EML4: variants seen among roughly 807,000 people sequenced by gnomAD.
EML4 encodes the protein EMAP like 4.
Under a neutral mutation model 129.0 loss-of-function variants are expected in EML4, and 72 were observed. That is an observed-to-expected ratio of 0.56 (90% confidence interval 0.46 to 0.68). EML4 has a LOEUF of 0.68. EML4 is among the 30% of genes least tolerant of loss of function. The probability of loss-of-function intolerance (pLI) is 0.00; values close to 1 mark genes in which losing one functional copy is unlikely to be tolerated. For missense variants in EML4, 1,363 were observed against 1,190.6 expected (o/e 1.14, Z -2.13); for synonymous variants, 532 against 405.0 (o/e 1.31, Z -3.77).
At chr2:42,214,148 C>A (rs977293242) in intron 1 of EML4, among the ~76,000 whole-genome samples, 1 of 152,120 alleles carries the variant, frequency 6.6e-6, no homozygotes, top group Non-Finnish European at 1.5e-5. Context: ...TTAACTCTTT[C>A]TTAAGACAAC....
At chr2:42,288,346 T>C (rs769453814) in intron 11 of EML4, 24 bp downstream of exon 11, 8 of 1,234,946 alleles carry the variant, frequency 6.5e-6, no homozygotes, top group African/African-American at 1.5e-5. Context: ...AAACCGAGTA[T>C]TGTGTTTTAG....
chr2:42,251,910 A>C (rs17029408), intron 2 of EML4, among the ~76,000 whole-genome samples: 31,358 of 152,116 alleles, frequency 0.21, 4,383 homozygotes, highest in African/African-American at 0.39. Context: ...GTGATACACT[A>C]TTTGAAAGCA....
At chr2:42,290,475 C>T (rs546140832) in intron 11 of EML4, among the ~76,000 whole-genome samples, 7 of 151,610 alleles carry the variant, frequency 4.6e-5, no homozygotes, top group African/African-American at 1.7e-4. Flanking sequence ...GCCTATAATC[C>T]GAGTACTTTG....
At chr2:42,200,565 CT>C (rs778731523) in intron 1 of EML4, among the ~76,000 whole-genome samples, 1 of 152,182 alleles carries the variant, frequency 6.6e-6, no homozygotes, top group African/African-American at 2.4e-5. Context: ...CAAAAGCTCT[CT>C]TTTTGGCTTG....
chr2:42,328,262 T>C (rs1669917454), intron 21 of EML4, among the ~76,000 whole-genome samples: 1 of 152,220 alleles, frequency 6.6e-6, no homozygotes, highest in Admixed American at 6.5e-5. Flanking sequence ...TCTAGCCTAA[T>C]AGAGGTTTGT....
In EML4 at chr2:42,329,974, C is replaced by T. The variant is rs766514307; in HGVS notation, c.2713C>T (p.Pro905Ser). 7.4e-6 allele frequency: 12 copies of T among 1,613,774 alleles called. No individual in the cohort carries two copies. Among genetic ancestry groups the T allele is most frequent in the Middle Eastern group, 1.6e-4 (1 of 6,084 alleles). ...TACTCCCACACCGCCTCCTTCTCAGCCCTTAAATGAGACAGCTGAAGAGGA... is the reference window on the plus strand; with the variant it reads ...TACTCCCACACCGCCTCCTTCTCAGTCCTTAAATGAGACAGCTGAAGAGGA... The part of the protein sequence containing the change: ...SNTPTPPPSQ[P>S]LNETAEEESR... Residue 905 changes from proline to serine, a missense_variant, in exon 23 of 23, where the codon CCC becomes TCC. Transcript: ENST00000318522.
At chr2:42,307,937 G>T (rs1188546622) in intron 17 of EML4, among the ~76,000 whole-genome samples, 2 of 152,228 alleles carry the variant, frequency 1.3e-5, no homozygotes, top group African/African-American at 4.8e-5. Context: ...TTACAGGCGT[G>T]AGCCACCACG....
At chr2:42,236,264 T>C (rs1046297378) in intron 1 of EML4, among the ~76,000 whole-genome samples, 3 of 152,264 alleles carry the variant, frequency 2.0e-5, no homozygotes, top group African/African-American at 7.2e-5. Flanking sequence ...CGCCATAGTT[T>C]ACTTTTACTA....
At chr2:42,247,471 C>T (rs1675484676) in intron 2 of EML4, among the ~76,000 whole-genome samples, 3 of 152,034 alleles carry the variant, frequency 2.0e-5, no homozygotes, top group Admixed American at 1.3e-4. Context: ...ACTCTTTTCC[C>T]TCTTGGCCTC....
chr2:42,225,454 A>AT (rs1295975655), intron 1 of EML4, among the ~76,000 whole-genome samples: 1 of 152,090 alleles, frequency 6.6e-6, no homozygotes, highest in Admixed American at 6.5e-5. Context: ...TGCCTATTTA[A>AT]TTTTTTTGCC....
intron 5 of EML4, 25 bp downstream of exon 5, chr2:42,263,331 T>C: frequency 6.3e-7 from 1 of 1,595,122 alleles, no homozygotes; most frequent in Non-Finnish European, 8.5e-7. Context: ...TTCTTCATTA[T>C]ATCTGAAAAG....
intron 1 of EML4, among the ~76,000 whole-genome samples, chr2:42,173,277 T>A (rs923813625): frequency 5.9e-5 from 9 of 152,196 alleles, no homozygotes; most frequent in African/African-American, 1.9e-4. Context: ...TACATGAAAA[T>A]GTTTTTCATG....
chr2:42,251,882 A>G (rs751653306), intron 2 of EML4, among the ~76,000 whole-genome samples: 1 of 152,172 alleles, frequency 6.6e-6, no homozygotes, highest in Non-Finnish European at 1.5e-5. Flanking sequence ...TGGCATATAT[A>G]TTTGTTGCTC....
chr2:42,176,114 C>G (rs1244691792), intron 1 of EML4, among the ~76,000 whole-genome samples: 1 of 152,008 alleles, frequency 6.6e-6, no homozygotes, highest in Non-Finnish European at 1.5e-5. Flanking sequence ...GAACTTCTCT[C>G]CTGAATCAGC....
intron 19 of EML4, among the ~76,000 whole-genome samples, chr2:42,319,201 A>G (rs774016759): frequency 1.3e-5 from 2 of 152,158 alleles, no homozygotes; most frequent in Non-Finnish European, 2.9e-5. Flanking sequence ...ACACAATTCT[A>G]CTAACTCTTA....
chr2:42,290,389 G>A (rs1667569693), intron 11 of EML4, among the ~76,000 whole-genome samples: 1 of 152,020 alleles, frequency 6.6e-6, no homozygotes, highest in African/African-American at 2.4e-5. Context: ...GATGACCCGA[G>A]CTTGTGGGAC....
At position 42,246,182 on chromosome 2, in the gene EML4, T is replaced by C. The variant is rs534763475; in HGVS notation, c.208+495T>C. ...TACGAGCCCAGTATAATGGGACTTC[T>C]AACTTTCCAGTATTGGGAGTTTTCA... is the stretch of plus-strand genomic sequence containing the variant. On this transcript the variant is annotated intron_variant, in intron 2 of 22. Transcript: ENST00000318522. 5.3e-5 allele frequency among the ~76,000 whole-genome samples: 8 copies of C among 152,368 alleles called. No homozygotes were observed. In the East Asian group the frequency reaches 7.7e-4, roughly 15 times the overall value.
intron 1 of EML4, among the ~76,000 whole-genome samples, chr2:42,182,435 C>T (rs931592801): frequency 6.6e-6 from 1 of 151,918 alleles, no homozygotes; most frequent in South Asian, 2.1e-4. Flanking sequence ...GCCAGGCTGC[C>T]TTTCTCATCC....
intron 1 of EML4, among the ~76,000 whole-genome samples, chr2:42,172,341 A>G (rs1335425288): frequency 6.6e-6 from 1 of 152,252 alleles, no homozygotes; most frequent in Non-Finnish European, 1.5e-5. Flanking sequence ...GCATGTTTAG[A>G]TAAGAAATCC....
Sources: gnomAD v4.1 joint callset for allele counts (sites outside exome capture counted in the v4.1 genomes callset) on GRCh38, gnomAD v4.1.1 for gene constraint, MANE v1.5 for transcripts, NCBI Gene and HGNC (gene_info 2026-07-23, HGNC 2026-07-21) for gene names.